Variants in SPDL1 observed in about 807,000 individuals in gnomAD.
SPDL1 encodes the protein spindle apparatus coiled-coil protein 1, also known as protein Spindly.
SPDL1 carries 85 observed loss-of-function variants against 79.5 expected under a neutral mutation model. The observed-to-expected ratio is 1.07, with a 90% CI of 0.90 to 1.28. The LOEUF (loss-of-function observed/expected upper bound fraction) is 1.28, where lower values mean the gene tolerates loss of function less well. Among genes scored for constraint, SPDL1 ranks in the 50% most tolerant of loss-of-function variants. SPDL1 has a pLI of 0.00. For missense variants in SPDL1, 703 were observed against 697.8 expected (o/e 1.01, Z -0.08); for synonymous variants, 269 against 240.3 (o/e 1.12, Z -1.10).
intron 10 of SPDL1, among the ~76,000 whole-genome samples, chr5:169,599,363 T>G (rs1013315118): frequency 1.3e-5 from 2 of 152,194 alleles, no homozygotes; most frequent in African/African-American, 4.8e-5. Context: ...GAATATAACA[T>G]GTATCCTTTT....
intron 1 of SPDL1, among the ~76,000 whole-genome samples, chr5:169,584,819 C>T (rs1253156725): frequency 6.6e-6 from 1 of 152,134 alleles, no homozygotes; most frequent in Non-Finnish European, 1.5e-5. Context: ...TACCTTCAAC[C>T]TCTTGAAGTT....
intron 1 of SPDL1, 101 bp from the exon 2 acceptor site, chr5:169,588,293 A>T: frequency 1.3e-6 from 1 of 755,024 alleles, no homozygotes; most frequent in East Asian, 2.9e-5. Context: ...TAATGTTTTT[A>T]TACGACAGTA....
chr5:169,585,443 T>C (rs1407023656), intron 1 of SPDL1, among the ~76,000 whole-genome samples: 1 of 152,192 alleles, frequency 6.6e-6, no homozygotes, highest in Non-Finnish European at 1.5e-5. Context: ...TAAAGCAAAT[T>C]TTTTTTGGCT....
intron 4 of SPDL1, 69 bp downstream of exon 4, chr5:169,593,617 G>A: frequency 7.0e-7 from 1 of 1,438,088 alleles, no homozygotes; most frequent in Non-Finnish European, 9.3e-7. Context: ...ACATGTTTTG[G>A]TAATAATTCT....
intron 1 of SPDL1, among the ~76,000 whole-genome samples, chr5:169,584,480 C>T (rs1274262359): frequency 6.6e-6 from 1 of 152,122 alleles, no homozygotes; most frequent in Non-Finnish European, 1.5e-5. Flanking sequence ...TCATTTAATC[C>T]TTTCAGTAAC....
In SPDL1 at chr5:169,598,570, ATAACT is replaced by A; in HGVS notation, c.1131_1135del (p.Asn377LysfsTer5). ...ACAGATTTACTTCAGATGAAGCTGG[ATAACT>A]TAAAGTAAGTGTCTGGGTTGGTGGA... On this transcript the variant is annotated frameshift_variant, in exon 9 of 12. Coordinates refer to ENST00000265295, the MANE Select transcript of SPDL1 (RefSeq NM_017785.5). LOFTEE classifies it high-confidence loss of function. The A allele has an allele frequency of 6.2e-7, 1 of 1,609,604 alleles. No homozygotes were observed. The highest frequency in any genetic ancestry group is 8.5e-7 in the Non-Finnish European group (1 of 1,176,048).
chr5:169,586,292 G>A (rs1035406236), intron 1 of SPDL1: 1 of 152,268 alleles, frequency 6.6e-6, no homozygotes. Context: ...GCAGCATCTG[G>A]CATGATTGAT....
Position 169,601,482 on chromosome 5 carries a change from A to G in SPDL1, c.1527A>G (p.Thr509=). 2 of 1,614,084 alleles carry G rather than the reference A, an allele frequency of 1.2e-6. No individual in the cohort carries two copies. The highest frequency in any genetic ancestry group is 8.5e-7 in the Non-Finnish European group (1 of 1,179,982). The change falls in exon 11 of 12, where the codon ACA becomes ACG. Residue 509 remains threonine (T), a synonymous_variant. Transcript: ENST00000265295. ...TAGAAAAATCAGTTTCTATATACAC[A>G]CCAGTAGTCAGTCTCTCTCCTCACA... The part of the protein sequence containing the change: ...LQLEKSVSIY[T]PVVSLSPHKN...
chr5:169,598,830 T>G, intron 9 of SPDL1, 142 bp from the exon 10 acceptor site: 1 of 1,177,794 alleles, frequency 8.5e-7, no homozygotes, highest in Non-Finnish European at 1.2e-6. Flanking sequence ...TTATTTAAAT[T>G]GTTTATTGTT....
chr5:169,598,157 G>A (rs6892614), intron 8 of SPDL1, among the ~76,000 whole-genome samples: 101,786 of 151,918 alleles, frequency 0.67, 34,263 homozygotes, highest in East Asian at 0.73. Context: ...GCAGGCATTT[G>A]TTTTTCTATT....
At chr5:169,594,715 C>T (rs993625421) in intron 7 of SPDL1, 34 bp downstream of exon 7, 1 of 1,474,436 alleles carries the variant, frequency 6.8e-7, no homozygotes, top group Non-Finnish European at 9.4e-7. Context: ...GTTTATTAAA[C>T]AAATTTTGTG....
At chr5:169,590,655 T>C in intron 2 of SPDL1, 1 of 453,838 alleles carries the variant, frequency 2.2e-6, no homozygotes, top group Non-Finnish European at 4.4e-6. Context: ...TTATTACTAC[T>C]ACATTGTGTT....
At chr5:169,598,935 C>A in intron 9 of SPDL1, 37 bp from the exon 10 acceptor site, 1 of 1,510,248 alleles carries the variant, frequency 6.6e-7, no homozygotes, top group South Asian at 1.4e-5. Flanking sequence ...TATATGCTGT[C>A]TTAATACTCG....
intron 7 of SPDL1, 23 bp from the exon 8 acceptor site, chr5:169,596,537 GA>G (rs1755589835): frequency 2.5e-6 from 4 of 1,593,076 alleles, no homozygotes; most frequent in Non-Finnish European, 3.4e-6. Context: ...AATTTTATTA[GA>G]GGGGGTAATT....
chr5:169,588,846 AG>A (rs1755124694), intron 2 of SPDL1: 1 of 218,970 alleles, frequency 4.6e-6, no homozygotes, highest in African/African-American at 2.3e-5. Context: ...ACTTCCTAGA[AG>A]ACCTCACTTG....
chr5:169,596,492 T>C, intron 7 of SPDL1, 69 bp from the exon 8 acceptor site: 1 of 1,321,358 alleles, frequency 7.6e-7, no homozygotes, highest in Non-Finnish European at 1.1e-6. Flanking sequence ...ATGAATTGTA[T>C]CAAAAAAGTA....
rs749559116 is a variant in SPDL1 at position 169,596,647 on chromosome 5, G to A, written c.978G>A (p.Lys326=). The change falls in exon 8 of 12, where the codon AAG becomes AAA. Residue 326 remains lysine (K), a synonymous_variant. Transcript: ENST00000265295. ...GGTTGCTTGCCATGTTGGAGCAGAAGAATGGTGAAATAAAACATCTTTTAG... is the reference window on the plus strand; with the variant it reads ...GGTTGCTTGCCATGTTGGAGCAGAAAAATGGTGAAATAAAACATCTTTTAG... ...QERLLAMLEQ[K]NGEIKHLLGE... 6.2e-7 allele frequency: 1 copy of A among 1,607,200 alleles called. No homozygotes were observed. Among genetic ancestry groups the A allele is most frequent in the South Asian group, 1.1e-5 (1 of 89,760 alleles).
chr5:169,584,455 T>G (rs1447604547), intron 1 of SPDL1, among the ~76,000 whole-genome samples: 1 of 152,208 alleles, frequency 6.6e-6, no homozygotes, highest in Non-Finnish European at 1.5e-5. Flanking sequence ...CCCTAATTGC[T>G]TTTCATTCGT....
At chr5:169,597,177 A>G (rs1755629274) in intron 8 of SPDL1, among the ~76,000 whole-genome samples, 1 of 151,774 alleles carries the variant, frequency 6.6e-6, no homozygotes, top group Non-Finnish European at 1.5e-5. Context: ...TGGGATTAGC[A>G]TTTCTTCAAG....
Sources: allele counts gnomAD v4.1 joint callset (sites outside exome capture counted in the v4.1 genomes callset), GRCh38; gene constraint gnomAD v4.1.1; transcripts MANE v1.5; gene names NCBI Gene and HGNC (gene_info 2026-07-23, HGNC 2026-07-21).